SSC5D: variants seen among roughly 807,000 people sequenced by gnomAD.
SSC5D encodes soluble scavenger receptor cysteine-rich domain-containing protein SSC5D.
Under a neutral mutation model 104.6 loss-of-function variants are expected in SSC5D, and 106 were observed. That is an observed-to-expected ratio of 1.01 (90% CI 0.87 to 1.19). The LOEUF is 1.19. SSC5D is among the 50% of genes most tolerant of loss of function. SSC5D has a pLI of 0.00. For missense variants in SSC5D, 1,993 were observed against 2,153.8 expected (o/e 0.93, Z 1.48); for synonymous variants, 860 against 883.5 (o/e 0.97, Z 0.47).
intron 5 of SSC5D, 74 bp downstream of exon 5, chr19:55,490,482 CTGCGGGCGCCCTCTCCTT>C: frequency 3.2e-6 from 2 of 624,494 alleles, no homozygotes; most frequent in Non-Finnish European, 5.6e-6. Flanking sequence ...AACTGAGGAC[CTGCGGGCGCCCTCTCCTT>C]AGCCGGGGCC....
intron 6 of SSC5D, 111 bp from the exon 7 acceptor site, chr19:55,493,484 G>C: frequency 1.0e-6 from 1 of 973,328 alleles, no homozygotes; most frequent in Non-Finnish European, 1.4e-6. Flanking sequence ...AGTGAAGATG[G>C]AATATTTGCT....
chr19:55,518,842 G>A lies in SSC5D; in HGVS notation c.4566G>A (p.Leu1522=). The A allele has an allele frequency of 2.6e-6, 4 of 1,550,374 alleles. No individual in the cohort carries two copies. The highest frequency in any genetic ancestry group is 3.5e-6 in the Non-Finnish European group (4 of 1,146,996). ...AGCGGCAGGAGCGCCAAGCCCTGCT[G>A]CTGGGGCTGACGCAGCTGGTAGAAG... ...EQERQERQAL[L]LGLTQLVEAA... is the part of the protein sequence containing the mutation. Residue 1522 remains leucine, a synonymous_variant, in exon 14 of 14, where the codon CTG becomes CTA. Coordinates refer to ENST00000389623, the MANE Select transcript of SSC5D (RefSeq NM_001144950.2).
Position 55,518,750 on chromosome 19 carries a change from G to A in SSC5D, c.4474G>A (p.Glu1492Lys). ...VMACEPPALV[E>K]LVAAVRDVGG... ...GGCTTGTGAGCCACCTGCCCTGGTGGAGCTGGTGGCTGCTGTGAGGGATGT... is the reference window on the plus strand; with the variant it reads ...GGCTTGTGAGCCACCTGCCCTGGTGAAGCTGGTGGCTGCTGTGAGGGATGT... The change falls in exon 14 of 14, where the codon GAG becomes AAG. Residue 1492 changes from glutamate to lysine, a missense_variant. Glu to Lys is a moderately conservative substitution (Grantham distance 56). Transcript: ENST00000389623. The A allele has an allele frequency of 4.5e-6, 7 of 1,550,970 alleles. No homozygotes were observed. The highest frequency in any genetic ancestry group is 6.1e-6 in the Non-Finnish European group (7 of 1,146,986).
At chr19:55,504,056 G>T (rs1987580654) in intron 12 of SSC5D, 1 of 1,497,652 alleles carries the variant, frequency 6.7e-7, no homozygotes, top group Admixed American at 2.0e-5. Flanking sequence ...CCCTAGAGGC[G>T]CCGTGACTTG....
Position 55,506,012 on chromosome 19 carries a change from C to T in SSC5D, c.2785+4811C>T, listed in dbSNP as rs1311200343. Among the ~76,000 whole-genome samples, 6 of 151,894 alleles carry T rather than the reference C, an allele frequency of 4.0e-5. 1 individual carries two copies. The highest frequency in any genetic ancestry group is 3.8e-4 in the East Asian group (2 of 5,202). On this transcript the variant is annotated intron_variant, in intron 12 of 13. Coordinates refer to ENST00000389623, the MANE Select transcript of SSC5D (RefSeq NM_001144950.2). Reference sequence around the variant, plus strand: ...TTGGTCACCCAAAGTGGTGGGATTACAGGCGTGAGCCACGGCACCCAGCCA... The same window carrying T: ...TTGGTCACCCAAAGTGGTGGGATTATAGGCGTGAGCCACGGCACCCAGCCA...
intron 7 of SSC5D, among the ~76,000 whole-genome samples, 166 bp downstream of exon 7, chr19:55,494,078 G>A (rs1942935560): frequency 6.6e-6 from 1 of 152,036 alleles, no homozygotes; most frequent in African/African-American, 2.4e-5. Context: ...TGCGTCACTG[G>A]TTCTCAGCTG....
Position 55,518,153 on chromosome 19 carries a change from C to T in SSC5D, c.3877C>T (p.Pro1293Ser). Reference protein sequence around the residue: ...PTTTPHPTTTPHPTTTPHPTM... With the variant: ...PTTTPHPTTTSHPTTTPHPTM... Reference sequence around the variant, plus strand: ...CACGACTCCTCACCCCACCACAACCCCTCACCCCACCACAACCCCTCACCC... The same window carrying T: ...CACGACTCCTCACCCCACCACAACCTCTCACCCCACCACAACCCCTCACCC... The change falls in exon 14 of 14, where the codon CCT becomes TCT. Residue 1293 changes from proline (P) to serine (S), a missense_variant. This residue lies in a region of SSC5D where 349 missense variants were observed against 397.6 expected (regional missense o/e 0.88). Transcript: ENST00000389623. The T allele has an allele frequency of 6.9e-7, 1 of 1,444,946 alleles. No homozygotes were observed. The allele number at this position is 1,444,946 out of a possible 1,614,324, so 89.5% of individuals were successfully genotyped here. A position where few individuals can be genotyped will look rare whatever the true frequency, so the allele number is the denominator to read the frequency against.
Position 55,493,713 on chromosome 19 carries a change from C to T in SSC5D, c.1014C>T (p.Ala338=), listed in dbSNP as rs1400323516. 8 of 1,514,834 alleles carry T rather than the reference C, an allele frequency of 5.3e-6. No individual in the cohort carries two copies. The highest frequency in any genetic ancestry group is 3.7e-5 in the South Asian group (3 of 80,728). 93.8% of individuals were successfully genotyped at this position (1,514,834 alleles called of 1,614,324 possible). Residue 338 remains alanine (A), a synonymous_variant, in exon 7 of 14, where the codon GCC becomes GCT. Coordinates refer to ENST00000389623, the MANE Select transcript of SSC5D (RefSeq NM_001144950.2). The part of the protein sequence containing the change: ...VCDDAWDLRD[A]AVACRELGCG... ...ACGACGCCTGGGACCTGCGAGACGC[C>T]GCTGTGGCCTGCCGAGAGCTGGGCT...
Position 55,500,674 on chromosome 19 carries a change from T to A in SSC5D, c.2487T>A (p.Pro829=), listed in dbSNP as rs1340493660. The A allele has an allele frequency of 6.4e-7, 1 of 1,551,690 alleles. No individual in the cohort carries two copies. Among genetic ancestry groups the A allele is most frequent in the South Asian group, 1.2e-5 (1 of 84,054 alleles). Residue 829 remains proline, a synonymous_variant, in exon 11 of 14, where the codon CCT becomes CCA. Transcript: ENST00000389623. The surrounding 1 kb of genome is among the most constrained non-coding windows in gnomAD (Gnocchi z 4.6). ...RPRVGKTHYG[P]GTGPIWLDDM... ...GAGTAGGCAAAACCCATTACGGCCCTGGGACTGGGCCCATCTGGCTGGATG... is the reference window on the plus strand; with the variant it reads ...GAGTAGGCAAAACCCATTACGGCCCAGGGACTGGGCCCATCTGGCTGGATG...
Position 55,500,875 on chromosome 19 carries a change from G to GAAACC in SSC5D, c.2617+71_2617+72insAAACC. The GAAACC allele has an allele frequency of 1.3e-6, 2 of 1,507,854 alleles. No individual in the cohort carries two copies. The highest frequency in any genetic ancestry group is 1.8e-6 in the Non-Finnish European group (2 of 1,120,670). 93.4% of individuals were successfully genotyped at this position (1,507,854 alleles called of 1,614,324 possible). On this transcript the variant is annotated intron_variant, in intron 11 of 13. Transcript: ENST00000389623. This position sits in a 1 kb window ranked among gnomAD's most constrained non-coding sequence, Gnocchi z 4.6. ...GAGAATGGAGTCAGGGTGGGGCCAG[G>GAAACC]TGACGGCACCATGGTCGACTCTAAA...
At chr19:55,488,692 A>G in intron 1 of SSC5D, 78 bp downstream of exon 1, 1 of 1,342,032 alleles carries the variant, frequency 7.5e-7, no homozygotes, top group East Asian at 2.5e-5. Flanking sequence ...CAGTTTAGGG[A>G]CTCAAACTTC....
In SSC5D at chr19:55,491,024, G is replaced by A. The variant is rs1568474339; in HGVS notation, c.839G>A (p.Ser280Asn). The A allele has an allele frequency of 6.5e-7, 1 of 1,550,246 alleles. No homozygotes were observed. Among genetic ancestry groups the A allele is most frequent in the Non-Finnish European group, 8.7e-7 (1 of 1,146,764 alleles). ...CAGGCCCTCCGAGACTGCCCCCGAAGCCCCTGGGGCCGGAGCAACTGTGAC... is the reference window on the plus strand; with the variant it reads ...CAGGCCCTCCGAGACTGCCCCCGAAACCCCTGGGGCCGGAGCAACTGTGAC... The part of the protein sequence containing the change: ...GEQALRDCPR[S>N]PWGRSNCDHS... Residue 280 changes from serine (S) to asparagine (N), a missense_variant, in exon 6 of 14, where the codon AGC (serine) becomes AAC (asparagine). Physicochemically the swap from Ser to Asn is conservative, Grantham distance 46. This residue lies in a region of SSC5D where 1,101 missense variants were observed against 1,085.0 expected (regional missense o/e 1.01). Coordinates refer to ENST00000389623, the MANE Select transcript of SSC5D (RefSeq NM_001144950.2).
At position 55,518,628 on chromosome 19, in the gene SSC5D, ATCC is replaced by A. The variant is rs1466083320; in HGVS notation, c.4356_4358del (p.Pro1453del). 6.7e-7 allele frequency: 1 copy of A among 1,499,124 alleles called. No individual in the cohort carries two copies. Among genetic ancestry groups the A allele is most frequent in the East Asian group, 2.5e-5 (1 of 40,070 alleles). The allele number at this position is 1,499,124 out of a possible 1,614,324, so 92.9% of individuals were successfully genotyped here. A position where few individuals can be genotyped will look rare whatever the true frequency, so the allele number is the denominator to read the frequency against. ...TCCCCCACAGCCCACCCCTTGGATC[ATCC>A]TCCCCTTGACCCCCTCACCCTAGGG... On this transcript the variant is annotated inframe_deletion, in exon 14 of 14. Coordinates refer to ENST00000389623, the MANE Select transcript of SSC5D (RefSeq NM_001144950.2).
chr19:55,499,930 G>A lies in SSC5D; in HGVS notation c.1820G>A (p.Ser607Asn), dbSNP rs919707900. Residue 607 changes from serine to asparagine, a missense_variant, in exon 10 of 14, where the codon AGT (serine) becomes AAT (asparagine). By Grantham distance (46) the Ser-to-Asn change is conservative. Coordinates refer to ENST00000389623, the MANE Select transcript of SSC5D (RefSeq NM_001144950.2). ...GAGCTGGCCACCAAGCCCTCTGCAA[G>A]TGTGACTGCCAGTGTTCTGGAGAAA... The part of the protein sequence containing the change: ...PGELATKPSA[S>N]VTASVLEKTT... 5.2e-6 allele frequency: 8 copies of A among 1,551,780 alleles called. No homozygotes were observed. The Admixed American group carries it at 5.9e-5, about 11-fold the overall frequency.
At chr19:55,508,093 A>G (rs1484129580) in intron 12 of SSC5D, among the ~76,000 whole-genome samples, 1 of 152,062 alleles carries the variant, frequency 6.6e-6, no homozygotes, top group Non-Finnish European at 1.5e-5. Context: ...CAGAGTGGGG[A>G]TATCAGGAGA....
At chr19:55,491,589 G>A (rs1007453232) in intron 6 of SSC5D, 2 of 158,596 alleles carry the variant, frequency 1.3e-5, no homozygotes, top group African/African-American at 4.8e-5. Flanking sequence ...AGGCAGGGTG[G>A]GGACACCCAC....
At chr19:55,496,524 C>T (rs1290918675) in intron 8 of SSC5D, among the ~76,000 whole-genome samples, 1 of 152,180 alleles carries the variant, frequency 6.6e-6, no homozygotes, top group East Asian at 1.9e-4. Flanking sequence ...TGCACTGGCT[C>T]CTGGTGACTG....
At position 55,489,943 on chromosome 19, in the gene SSC5D, A is replaced by ATG; in HGVS notation, c.423_424insTG (p.Gly142TrpfsTer7). On this transcript the variant is annotated frameshift_variant, in exon 4 of 14. Transcript: ENST00000389623. LOFTEE classifies it high-confidence loss of function. ...CTCCCCTGGATGGGGCTCCCTGGCC[A>ATG]GGGCTGTTGCTGGAGCTGAGCCCCA... 1 of 1,548,356 alleles carries ATG rather than the reference A, an allele frequency of 6.5e-7. No homozygotes were observed. Among genetic ancestry groups the ATG allele is most frequent in the Non-Finnish European group, 8.7e-7 (1 of 1,146,254 alleles).
At chr19:55,489,749 T>C (rs1395966628) in intron 3 of SSC5D, 87 bp downstream of exon 3, 1 of 1,501,840 alleles carries the variant, frequency 6.7e-7, no homozygotes, top group African/African-American at 1.4e-5. Context: ...CAAGTCTGAG[T>C]GTTCAGCAGT....
Sources: gnomAD v4.1 joint callset for allele counts (sites outside exome capture counted in the v4.1 genomes callset) on GRCh38, gnomAD v4.1.1 for gene constraint, gnomAD v4.1.1 regional missense constraint, Gnocchi (gnomAD v3.1) non-coding constraint, MANE v1.5 for transcripts, NCBI Gene and HGNC (gene_info 2026-07-23, HGNC 2026-07-21) for gene names.